The following ARHGAP24 variants were observed in gnomAD, a reference collection of about 807,000 sequenced individuals.
ARHGAP24 encodes the protein Rho GTPase activating protein 24, also known as rho GTPase-activating protein 24.
In ARHGAP24, 50 loss-of-function variants were observed where a neutral mutation model predicts 76.4. That is an observed-to-expected ratio of 0.65 (90% CI 0.52 to 0.83). The LOEUF (loss-of-function observed/expected upper bound fraction) is 0.83, where lower values mean the gene tolerates loss of function less well. Among genes scored for constraint, ARHGAP24 ranks in the 40% least tolerant of loss-of-function variants. The pLI is 0.00. For synonymous variants in ARHGAP24, 345 were observed against 323.3 expected, an observed-to-expected ratio of 1.07 and a Z score of -0.72; for missense variants, 930 against 914.2, an observed-to-expected ratio of 1.02 and a Z score of -0.22.
intron 3 of ARHGAP24, among the ~76,000 whole-genome samples, chr4:85,749,333 T>C (rs1427688114): frequency 6.6e-6 from 1 of 152,230 alleles, no homozygotes; most frequent in African/African-American, 2.4e-5. Context: ...TTCCATATTG[T>C]TATGTCCTTA....
At chr4:85,790,928 C>G (rs1269834105) in intron 3 of ARHGAP24, among the ~76,000 whole-genome samples, 1 of 152,118 alleles carries the variant, frequency 6.6e-6, no homozygotes, top group Non-Finnish European at 1.5e-5. Context: ...TATGATTTTC[C>G]TCTTCATGAA....
intron 3 of ARHGAP24, among the ~76,000 whole-genome samples, chr4:85,811,516 A>G (rs1729011126): frequency 6.6e-6 from 1 of 152,144 alleles, no homozygotes; most frequent in Admixed American, 6.5e-5. Context: ...CATTCATGAT[A>G]CCTCATTTCT....
chr4:85,669,414 A>G (rs148212330), intron 2 of ARHGAP24, among the ~76,000 whole-genome samples: 1 of 152,054 alleles, frequency 6.6e-6, no homozygotes, highest in African/African-American at 2.4e-5. Flanking sequence ...CACAATTTAC[A>G]GTAGTCTAGA....
Position 85,995,410 on chromosome 4 carries a change from G to A in ARHGAP24, c.1756G>A (p.Gly586Arg), listed in dbSNP as rs1740600904. The A allele has an allele frequency of 6.2e-7, 1 of 1,612,568 alleles. No individual in the cohort carries two copies. Among genetic ancestry groups the A allele is most frequent in the Admixed American group, 1.7e-5 (1 of 59,938 alleles). ...TTCPEQDFFGGNFEDPVLDGP... is the reference protein window; with the variant it reads ...TTCPEQDFFGRNFEDPVLDGP... ...CTGCCCAGAGCAAGACTTTTTTGGG[G>A]GGAACTTTGAGGACCCTGTTTTGGA... The change falls in exon 9 of 10, where the codon GGG becomes AGG. Residue 586 changes from glycine (G) to arginine (R), a missense_variant. Coordinates refer to ENST00000395184, the MANE Select transcript of ARHGAP24 (RefSeq NM_001025616.3).
intron 1 of ARHGAP24, among the ~76,000 whole-genome samples, chr4:85,527,197 C>T (rs888025111): frequency 2.6e-5 from 4 of 152,090 alleles, no homozygotes; most frequent in Non-Finnish European, 2.9e-5. Flanking sequence ...GGCTGTATCT[C>T]ATTAATAATG....
intron 2 of ARHGAP24, among the ~76,000 whole-genome samples, chr4:85,683,125 GGGT>G (rs1560583968): frequency 4.6e-4 from 50 of 107,746 alleles, no homozygotes; most frequent in African/African-American, 1.7e-3. Flanking sequence ...GGTGGGGGGG[GGGT>G]GCGGGGGCTG....
At chr4:85,566,824 G>A (rs1726869515) in intron 1 of ARHGAP24, among the ~76,000 whole-genome samples, 1 of 152,154 alleles carries the variant, frequency 6.6e-6, no homozygotes, top group African/African-American at 2.4e-5. Context: ...AATAGAAAGA[G>A]GTTACCTGAT....
rs73835219 is a variant in ARHGAP24 at position 85,570,908 on chromosome 4, A to G, written c.180+187A>G. 7,601 of 620,318 alleles carry G rather than the reference A, an allele frequency of 0.012. 435 individuals are homozygous for G. In the African/African-American group the frequency reaches 0.13, roughly 10 times the overall value. The allele number at this position is 620,318 out of a possible 1,614,324, so 38.4% of individuals were successfully genotyped here. A position where few individuals can be genotyped will look rare whatever the true frequency, so the allele number is the denominator to read the frequency against. On this transcript the variant is annotated intron_variant, in intron 2 of 9. Transcript: ENST00000395184. ...ATAATAAAATCGCTAATTGAGGCCA[A>G]GAGGCAAATTATACTTGTCTAATAT...
chr4:85,826,793 G>A (rs1234058607), intron 3 of ARHGAP24, among the ~76,000 whole-genome samples: 1 of 152,158 alleles, frequency 6.6e-6, no homozygotes, highest in Admixed American at 6.5e-5. Flanking sequence ...AGGTTAAATT[G>A]CTAATGAACA....
chr4:85,801,427 C>A, intron 3 of ARHGAP24, among the ~76,000 whole-genome samples: 1 of 152,192 alleles, frequency 6.6e-6, no homozygotes, highest in East Asian at 1.9e-4. Context: ...TAACATTTTT[C>A]ATATACTTGT....
At chr4:85,620,741 G>A (rs913965897) in intron 2 of ARHGAP24, among the ~76,000 whole-genome samples, 3 of 151,442 alleles carry the variant, frequency 2.0e-5, no homozygotes, top group South Asian at 4.2e-4. Flanking sequence ...ACAATCTTAG[G>A]TTACTTATTT....
chr4:85,488,857 G>GA (rs1373074606), intron 1 of ARHGAP24, among the ~76,000 whole-genome samples: 6 of 152,210 alleles, frequency 3.9e-5, no homozygotes, highest in Non-Finnish European at 8.8e-5. Flanking sequence ...CTCAAAAAGA[G>GA]AAAGAGAATG....
chr4:85,901,807 A>ATTT (rs150837257), intron 3 of ARHGAP24, among the ~76,000 whole-genome samples: 2 of 150,658 alleles, frequency 1.3e-5, no homozygotes, highest in African/African-American at 2.4e-5. Context: ...TATCTGCCAC[A>ATTT]TTTTTTTTTG....
intron 2 of ARHGAP24, among the ~76,000 whole-genome samples, chr4:85,683,145 G>C (rs1216317541): frequency 2.2e-5 from 3 of 137,712 alleles, no homozygotes; most frequent in Non-Finnish European, 4.7e-5. Flanking sequence ...GCTGTAAAAA[G>C]GTGGCAGTGA....
chr4:85,561,963 G>A (rs923468151), intron 1 of ARHGAP24, among the ~76,000 whole-genome samples: 2 of 152,224 alleles, frequency 1.3e-5, no homozygotes, highest in African/African-American at 2.4e-5. Flanking sequence ...AAGGGAGGCC[G>A]AGGCGGGCAT....
chr4:85,529,779 A>G (rs1258968901), intron 1 of ARHGAP24, among the ~76,000 whole-genome samples: 1 of 151,996 alleles, frequency 6.6e-6, no homozygotes, highest in Non-Finnish European at 1.5e-5. Flanking sequence ...GACAATAAAA[A>G]TATGTCATTC....
At chr4:85,959,828 G>T (rs1456100352) in intron 5 of ARHGAP24, among the ~76,000 whole-genome samples, 4 of 152,146 alleles carry the variant, frequency 2.6e-5, no homozygotes, top group African/African-American at 7.2e-5. Context: ...TGAGGGTTAT[G>T]ACTTTTTATT....
chr4:85,818,772 G>A (rs1180476715), intron 3 of ARHGAP24, among the ~76,000 whole-genome samples: 2 of 152,184 alleles, frequency 1.3e-5, no homozygotes, highest in African/African-American at 4.8e-5. Flanking sequence ...CTCTACACTG[G>A]GTTCTCTTCC....
At chr4:85,624,884 A>T (rs1405760017) in intron 2 of ARHGAP24, among the ~76,000 whole-genome samples, 1 of 152,082 alleles carries the variant, frequency 6.6e-6, no homozygotes, top group African/African-American at 2.4e-5. Flanking sequence ...GTATTCTCTG[A>T]TCGTAGTTTG....
Sources: allele counts gnomAD v4.1 joint callset (sites outside exome capture counted in the v4.1 genomes callset), GRCh38; gene constraint gnomAD v4.1.1; transcripts MANE v1.5; gene names NCBI Gene and HGNC (gene_info 2026-07-23, HGNC 2026-07-21).